Variants in RTN4RL1 observed in about 807,000 individuals in gnomAD.
The protein encoded by RTN4RL1 is reticulon 4 receptor like 1.
In RTN4RL1, 7 loss-of-function variants were observed where a neutral mutation model predicts 25.6. The observed-to-expected ratio is 0.27, with a 90% CI of 0.16 to 0.51. The LOEUF is 0.51. RTN4RL1 is among the 20% of genes least tolerant of loss of function. RTN4RL1 has a pLI of 0.97. For synonymous variants in RTN4RL1, 297 were observed against 288.2 expected (o/e 1.03, Z -0.31); for missense variants, 500 against 615.6 (o/e 0.81, Z 1.99).
intron 1 of RTN4RL1, among the ~76,000 whole-genome samples, chr17:2,015,056 G>T (rs114825479): frequency 0.011 from 1,657 of 152,246 alleles, 37 homozygotes; most frequent in African/African-American, 0.038. Flanking sequence ...GCTGTGTAAG[G>T]CCTGGTTTCA....
intron 1 of RTN4RL1, among the ~76,000 whole-genome samples, chr17:1,962,942 TA>T (rs1233310903): frequency 7.4e-6 from 1 of 135,276 alleles, no homozygotes; most frequent in African/African-American, 2.5e-5. Flanking sequence ...AACTCTATTT[TA>T]TTTTTTTTTT....
chr17:1,966,196 CAT>C (rs1371117862), intron 1 of RTN4RL1, among the ~76,000 whole-genome samples: 2 of 152,218 alleles, frequency 1.3e-5, no homozygotes, highest in African/African-American at 2.4e-5. Context: ...GGTACAGTGA[CAT>C]GTGTCCAAGC....
chr17:2,000,455 G>A (rs1461132116), intron 1 of RTN4RL1, among the ~76,000 whole-genome samples: 1 of 152,090 alleles, frequency 6.6e-6, no homozygotes, highest in African/African-American at 2.4e-5. Context: ...CGATTCTCAA[G>A]TCTCAGCCTC....
intron 1 of RTN4RL1, among the ~76,000 whole-genome samples, chr17:1,954,378 C>T (rs1422997165): frequency 2.1e-5 from 3 of 144,578 alleles, no homozygotes; most frequent in African/African-American, 7.8e-5. Context: ...TTCCTTGCTT[C>T]CTTCCTTTTT....
At chr17:1,958,034 T>A (rs369959451) in intron 1 of RTN4RL1, among the ~76,000 whole-genome samples, 2 of 149,030 alleles carry the variant, frequency 1.3e-5, no homozygotes, top group African/African-American at 5.0e-5. Context: ...AAATAAAAAA[T>A]AAAAAAAAAT....
In RTN4RL1 at chr17:1,948,394, A is replaced by T. The variant is rs373881574; in HGVS notation, c.14-10586T>A. ...CCTGAGTTGTGGCAGCGCAGACTCC[A>T]GGGCTGAAGGCCGAGGGCTTCTGAG... On this transcript the variant is annotated intron_variant, in intron 1 of 1. Coordinates refer to ENST00000331238, the MANE Select transcript of RTN4RL1 (RefSeq NM_178568.4). 2.2e-3 allele frequency among the ~76,000 whole-genome samples: 341 copies of T among 152,364 alleles called. 3 individuals carry two copies. Among genetic ancestry groups the T allele is most frequent in the African/African-American group, 7.8e-3 (325 of 41,590 alleles).
intron 1 of RTN4RL1, among the ~76,000 whole-genome samples, chr17:2,022,838 A>G (rs550856723): frequency 8.5e-5 from 13 of 152,326 alleles, no homozygotes; most frequent in Admixed American, 5.9e-4. Context: ...AGGAAGGAAG[A>G]AACAGCCCGA....
chr17:2,014,740 G>A (rs376717172), intron 1 of RTN4RL1, among the ~76,000 whole-genome samples: 1 of 152,056 alleles, frequency 6.6e-6, no homozygotes, highest in African/African-American at 2.4e-5. Context: ...GCTGAGGCAG[G>A]AGAATCGCTT....
At position 1,994,715 on chromosome 17, in the gene RTN4RL1, C is replaced by T. The variant is rs2066922326; in HGVS notation, c.13+30138G>A. 6.6e-6 allele frequency among the ~76,000 whole-genome samples: 1 copy of T among 152,188 alleles called. No homozygotes were observed. The highest frequency in any genetic ancestry group is 1.5e-5 in the Non-Finnish European group (1 of 68,036). ...CACAAGCAGGCTCTGCTGCCTCCCA[C>T]CTCCAAGCCTCAGTTTCCTTCTCTA... On this transcript the variant is annotated intron_variant, in intron 1 of 1. Transcript: ENST00000331238. The surrounding 1 kb of genome is among the most constrained non-coding windows in gnomAD (Gnocchi z 4.3).
chr17:2,006,532 A>C (rs2066997180), intron 1 of RTN4RL1, among the ~76,000 whole-genome samples: 1 of 151,962 alleles, frequency 6.6e-6, no homozygotes. Context: ...GGTTCACCGT[A>C]GCCTTGACCT....
At chr17:2,012,057 C>A (rs188241442) in intron 1 of RTN4RL1, among the ~76,000 whole-genome samples, 164 of 152,316 alleles carry the variant, frequency 1.1e-3, no homozygotes, top group African/African-American at 3.7e-3. Flanking sequence ...CGTCTTCTCA[C>A]CCCAGGCACC....
intron 1 of RTN4RL1, chr17:2,003,529 A>G (rs568322658): frequency 6.6e-6 from 1 of 152,458 alleles, no homozygotes. Context: ...CGCTACATCC[A>G]CTTTGTCACA....
chr17:2,015,595 C>G (rs549656954), intron 1 of RTN4RL1, among the ~76,000 whole-genome samples: 1 of 152,196 alleles, frequency 6.6e-6, no homozygotes, highest in Non-Finnish European at 1.5e-5. Flanking sequence ...GGACGGCCAA[C>G]AGGGCCGATG....
At chr17:1,939,175 A>T (rs1472364694) in intron 1 of RTN4RL1, among the ~76,000 whole-genome samples, 2 of 151,464 alleles carry the variant, frequency 1.3e-5, no homozygotes, top group African/African-American at 4.9e-5. Context: ...ACACGGCGAA[A>T]CCCCGTCTCT....
chr17:2,023,006 G>C (rs1408596506), intron 1 of RTN4RL1, among the ~76,000 whole-genome samples: 1 of 152,232 alleles, frequency 6.6e-6, no homozygotes, highest in Non-Finnish European at 1.5e-5. Flanking sequence ...GAGGCTGCTG[G>C]AGCCTCCTTG....
At chr17:1,944,421 C>G (rs1317041490) in intron 1 of RTN4RL1, among the ~76,000 whole-genome samples, 3 of 152,156 alleles carry the variant, frequency 2.0e-5, no homozygotes, top group Admixed American at 6.5e-5. Flanking sequence ...CCATCTCAGT[C>G]AGACGCAGCG....
intron 1 of RTN4RL1, among the ~76,000 whole-genome samples, chr17:1,980,811 C>T (rs562917630): frequency 2.7e-5 from 4 of 150,638 alleles, no homozygotes; most frequent in East Asian, 3.9e-4. Context: ...GCCTGTAATC[C>T]CAGCTACTCA....
At chr17:1,940,043 G>T (rs1329142090) in intron 1 of RTN4RL1, among the ~76,000 whole-genome samples, 2 of 152,160 alleles carry the variant, frequency 1.3e-5, no homozygotes, top group African/African-American at 2.4e-5. Context: ...TCGTGCCGCT[G>T]CCTGCCCAGG....
At chr17:1,941,529 G>T (rs1915436869) in intron 1 of RTN4RL1, among the ~76,000 whole-genome samples, 1 of 152,158 alleles carries the variant, frequency 6.6e-6, no homozygotes, top group Non-Finnish European at 1.5e-5. Context: ...CGGGCAACAA[G>T]CCACAGGCAC....
Sources: gnomAD v4.1 joint callset for allele counts (sites outside exome capture counted in the v4.1 genomes callset) on GRCh38, gnomAD v4.1.1 for gene constraint, Gnocchi (gnomAD v3.1) non-coding constraint, MANE v1.5 for transcripts, NCBI Gene and HGNC (gene_info 2026-07-23, HGNC 2026-07-21) for gene names.